CDH19: variants seen among roughly 807,000 people sequenced by gnomAD.
The protein encoded by CDH19 is cadherin 19, also known as cadherin-19.
In CDH19, 67 loss-of-function variants were observed where a neutral mutation model predicts 64.2. The ratio of observed to expected loss-of-function variants is 1.04; its 90% CI spans 0.86 to 1.28. The LOEUF (loss-of-function observed/expected upper bound fraction) is 1.28, where lower values mean the gene tolerates loss of function less well. CDH19 is among the 50% of genes most tolerant of loss of function. The pLI, the probability that CDH19 is intolerant of heterozygous loss-of-function variation, is 0.00. For synonymous variants in CDH19, 346 were observed against 319.3 expected, an observed-to-expected ratio of 1.08 and a Z score of -0.89; for missense variants, 1,030 against 929.0, an observed-to-expected ratio of 1.11 and a Z score of -1.41.
chr18:66,582,637 A>T (rs1385799845), intron 1 of CDH19, among the ~76,000 whole-genome samples: 1 of 95,636 alleles, frequency 1.0e-5, no homozygotes, highest in African/African-American at 4.2e-5. Flanking sequence ...ACTTACTGTC[A>T]CCAAAAAAAA....
At position 66,529,065 on chromosome 18, in the gene CDH19, T is replaced by A. The variant is rs146693416; in HGVS notation, c.1458+780A>T. Among the ~76,000 whole-genome samples the A allele has an allele frequency of 1.8e-3, 268 of 152,144 alleles. 4 individuals are homozygous for A. The highest frequency in any genetic ancestry group is 6.2e-3 in the African/African-American group (258 of 41,564). On this transcript the variant is annotated intron_variant, in intron 9 of 11. Coordinates refer to ENST00000262150, the MANE Select transcript of CDH19 (RefSeq NM_021153.4). Reference sequence around the variant, plus strand: ...GCTTAGAAGTACACAAATAACATTCTAACTTAAGTTTCACATTTTACAAAT... The same window carrying A: ...GCTTAGAAGTACACAAATAACATTCAAACTTAAGTTTCACATTTTACAAAT...
chr18:66,570,126 T>C (rs1267595444), intron 2 of CDH19, among the ~76,000 whole-genome samples: 3 of 151,638 alleles, frequency 2.0e-5, no homozygotes, highest in African/African-American at 7.2e-5. Flanking sequence ...CAAATCAATA[T>C]ATCAAGTGAG....
chr18:66,540,580 T>C (rs942624241), intron 7 of CDH19, among the ~76,000 whole-genome samples: 1 of 152,146 alleles, frequency 6.6e-6, no homozygotes, highest in Non-Finnish European at 1.5e-5. Context: ...CTCTTTCAGT[T>C]GCAGACTGTT....
At chr18:66,589,579 C>T (rs1267174572) in intron 1 of CDH19, among the ~76,000 whole-genome samples, 1 of 151,818 alleles carries the variant, frequency 6.6e-6, no homozygotes, top group Non-Finnish European at 1.5e-5. Flanking sequence ...CAGCACATCT[C>T]TCTATAACTG....
chr18:66,575,075 G>A (rs1988226724), intron 1 of CDH19, among the ~76,000 whole-genome samples: 1 of 151,792 alleles, frequency 6.6e-6, no homozygotes, highest in South Asian at 2.1e-4. Flanking sequence ...ATAAGCAAGA[G>A]GCTAAAACAA....
At chr18:66,591,498 T>C (rs371315274) in intron 1 of CDH19, among the ~76,000 whole-genome samples, 32 of 151,872 alleles carry the variant, frequency 2.1e-4, no homozygotes, top group African/African-American at 7.7e-4. Flanking sequence ...ACACCGAAGA[T>C]TAGTGTGCAC....
At position 66,529,952 on chromosome 18, in the gene CDH19, T is replaced by C; in HGVS notation, c.1351A>G (p.Ile451Val). 1 of 1,543,684 alleles carries C rather than the reference T, an allele frequency of 6.5e-7. No individual in the cohort carries two copies. ...TATEKYNIEQ[I>V]SSIPLYVQVL... ...TGCACATACAGTGGGATCGAAGAGA[T>C]CTGTTCTATATTGTCTGCAATTTGA... The change falls in exon 9 of 12, where the codon ATC becomes GTC. Residue 451 changes from isoleucine to valine, a missense_variant. By Grantham distance (29) the Ile-to-Val change is conservative. Coordinates refer to ENST00000262150, the MANE Select transcript of CDH19 (RefSeq NM_021153.4).
intron 9 of CDH19, among the ~76,000 whole-genome samples, chr18:66,513,812 G>C (rs1985607860): frequency 1.3e-5 from 2 of 151,338 alleles, no homozygotes; most frequent in African/African-American, 2.4e-5. Flanking sequence ...AAGAGAAAAT[G>C]AAAATAACTC....
chr18:66,539,394 T>C (rs990256476), intron 7 of CDH19, among the ~76,000 whole-genome samples: 8 of 152,128 alleles, frequency 5.3e-5, no homozygotes, highest in African/African-American at 1.9e-4. Flanking sequence ...AGTATAATAT[T>C]AGCTGCATTC....
chr18:66,505,598 T>C (rs1215287882), intron 11 of CDH19, among the ~76,000 whole-genome samples: 1 of 147,078 alleles, frequency 6.8e-6, no homozygotes, highest in East Asian at 2.0e-4. Flanking sequence ...GAACTATATA[T>C]ATTAGATGAT....
chr18:66,541,055 A>T (rs1322219711), intron 7 of CDH19, among the ~76,000 whole-genome samples: 1 of 152,098 alleles, frequency 6.6e-6, no homozygotes. Context: ...TTAAAAATTG[A>T]CATGTAGTTT....
intron 8 of CDH19, among the ~76,000 whole-genome samples, chr18:66,531,664 G>C (rs1403263461): frequency 2.0e-5 from 3 of 151,994 alleles, no homozygotes; most frequent in African/African-American, 7.2e-5. Context: ...TCTAAAACTG[G>C]ATGACTTGAG....
chr18:66,516,420 G>T (rs1019386626), intron 9 of CDH19, among the ~76,000 whole-genome samples: 11 of 151,956 alleles, frequency 7.2e-5, no homozygotes, highest in Non-Finnish European at 1.3e-4. Flanking sequence ...TTTTAAATGA[G>T]AAACAATACA....
chr18:66,575,875 G>A (rs546064582), intron 1 of CDH19, among the ~76,000 whole-genome samples: 3 of 151,754 alleles, frequency 2.0e-5, no homozygotes, highest in African/African-American at 7.3e-5. Context: ...ACAAAGTATT[G>A]TGGAGCATAC....
intron 1 of CDH19, among the ~76,000 whole-genome samples, chr18:66,600,683 G>C (rs1454819525): frequency 6.6e-6 from 1 of 151,800 alleles, no homozygotes; most frequent in African/African-American, 2.4e-5. Context: ...TATCAAAGGA[G>C]TATACACATG....
chr18:66,505,423 G>T, intron 11 of CDH19, 121 bp from the exon 12 acceptor site: 1 of 760,376 alleles, frequency 1.3e-6, no homozygotes. Context: ...AAAACAAAAA[G>T]ATACATTTGT....
At chr18:66,597,499 C>T (rs1039573963) in intron 1 of CDH19, among the ~76,000 whole-genome samples, 9 of 152,046 alleles carry the variant, frequency 5.9e-5, no homozygotes, top group African/African-American at 2.2e-4. Context: ...TATAAACACC[C>T]TAGGAGAAAA....
At chr18:66,587,136 T>C (rs1254646303) in intron 1 of CDH19, among the ~76,000 whole-genome samples, 2 of 152,142 alleles carry the variant, frequency 1.3e-5, no homozygotes, top group African/African-American at 4.8e-5. Flanking sequence ...TGACTAATCC[T>C]GCTCTTCAGC....
intron 9 of CDH19, among the ~76,000 whole-genome samples, chr18:66,522,938 T>C (rs192638354): frequency 7.9e-5 from 12 of 151,834 alleles, no homozygotes; most frequent in African/African-American, 2.4e-4. Flanking sequence ...CTCTGAAAAA[T>C]TGATACCTTT....
Sources: allele counts gnomAD v4.1 joint callset (sites outside exome capture counted in the v4.1 genomes callset), GRCh38; gene constraint gnomAD v4.1.1; transcripts MANE v1.5; gene names NCBI Gene and HGNC (gene_info 2026-07-23, HGNC 2026-07-21).